The following TMTC1 variants were observed in gnomAD, a reference collection of about 807,000 sequenced individuals.
TMTC1 encodes the protein transmembrane O-mannosyltransferase targeting cadherins 1.
A neutral mutation model predicts 104.8 loss-of-function variants in TMTC1; 73 were observed. The ratio of observed to expected loss-of-function variants is 0.70; its 90% CI spans 0.58 to 0.85. TMTC1 has a LOEUF of 0.85. TMTC1 is among the 40% of genes least tolerant of loss of function. The pLI is 0.00. For missense variants in TMTC1, 1,035 were observed against 1,096.1 expected (o/e 0.94, Z 0.79); for synonymous variants, 434 against 428.7 (o/e 1.01, Z -0.15).
chr12:29,680,422 C>G (rs1940874438), intron 5 of TMTC1, among the ~76,000 whole-genome samples: 1 of 152,044 alleles, frequency 6.6e-6, no homozygotes, highest in South Asian at 2.1e-4. Context: ...TAAGATGAGG[C>G]TGGGTGTGGT....
At chr12:29,670,426 C>A (rs192381844) in intron 5 of TMTC1, among the ~76,000 whole-genome samples, 1 of 152,248 alleles carries the variant, frequency 6.6e-6, no homozygotes, top group Non-Finnish European at 1.5e-5. Context: ...GAAACTGAGG[C>A]ATTAATGGTC....
At chr12:29,779,833 A>G (rs367762003) in intron 1 of TMTC1, among the ~76,000 whole-genome samples, 2 of 4,668 alleles carry the variant, frequency 4.3e-4, no homozygotes, top group African/African-American at 4.5e-4. Context: ...CTCAACATTT[A>G]AAAAAAACAC....
At position 29,556,923 on chromosome 12, in the gene TMTC1, T is replaced by C. The variant is rs1340419842; in HGVS notation, c.1610A>G (p.Tyr537Cys). ...TRDTAEAKMY[Y>C]QRALQLHPQH... ...TGGATGGAGCTGGAGAGCCCTCTGA[T>C]AGTACATCTTTGCCTCTGCTGTGTC... The change falls in exon 10 of 18, where the codon TAT (tyrosine) becomes TGT (cysteine). Residue 537 changes from tyrosine to cysteine, a missense_variant. Coordinates refer to ENST00000539277, the MANE Select transcript of TMTC1 (RefSeq NM_001193451.2). 1.2e-6 allele frequency: 2 copies of C among 1,614,124 alleles called. No homozygotes were observed. Among genetic ancestry groups the C allele is most frequent in the Non-Finnish European group, 1.7e-6 (2 of 1,179,966 alleles).
At chr12:29,670,913 C>A in intron 5 of TMTC1, among the ~76,000 whole-genome samples, 1 of 129,292 alleles carries the variant, frequency 7.7e-6, no homozygotes, top group Admixed American at 8.8e-5. Flanking sequence ...CCAGCCTGGG[C>A]CACAGCACGA....
intron 5 of TMTC1, among the ~76,000 whole-genome samples, chr12:29,651,909 A>C (rs1422907784): frequency 6.6e-6 from 1 of 152,128 alleles, no homozygotes; most frequent in Admixed American, 6.5e-5. Flanking sequence ...GCCCAAAAAA[A>C]AAAAAAATTA....
At chr12:29,588,967 A>G (rs1307732055) in intron 7 of TMTC1, among the ~76,000 whole-genome samples, 1 of 152,230 alleles carries the variant, frequency 6.6e-6, no homozygotes, top group African/African-American at 2.4e-5. Flanking sequence ...TGACTATGCC[A>G]AAAGGAAAAA....
intron 5 of TMTC1, among the ~76,000 whole-genome samples, chr12:29,649,394 T>TA (rs1448668391): frequency 6.6e-6 from 1 of 152,146 alleles, no homozygotes; most frequent in Non-Finnish European, 1.5e-5. Context: ...CTAACATAAA[T>TA]ACAGTCATTC....
intron 7 of TMTC1, among the ~76,000 whole-genome samples, chr12:29,601,859 A>G (rs1946574851): frequency 6.9e-6 from 1 of 144,766 alleles, no homozygotes; most frequent in Non-Finnish European, 1.5e-5. Context: ...TTTTTTTTAG[A>G]CGGAGTCTTG....
intron 17 of TMTC1, among the ~76,000 whole-genome samples, chr12:29,509,586 ACT>A (rs1377418492): frequency 6.6e-6 from 1 of 152,126 alleles, no homozygotes; most frequent in African/African-American, 2.4e-5. Flanking sequence ...CATAAGGACA[ACT>A]CTGCATTCTA....
At chr12:29,750,286 G>T (rs759567281) in intron 5 of TMTC1, among the ~76,000 whole-genome samples, 5 of 152,100 alleles carry the variant, frequency 3.3e-5, no homozygotes, top group Admixed American at 2.0e-4. Flanking sequence ...TCATTCAGGA[G>T]GATTTGGAAG....
intron 5 of TMTC1, among the ~76,000 whole-genome samples, chr12:29,742,327 AT>A (rs1395926405): frequency 6.6e-6 from 1 of 152,186 alleles, no homozygotes; most frequent in Non-Finnish European, 1.5e-5. Context: ...GTCTATACTT[AT>A]GTTTATTTTA....
intron 17 of TMTC1, 116 bp downstream of exon 17, chr12:29,511,927 T>C: frequency 9.7e-7 from 1 of 1,029,120 alleles, no homozygotes; most frequent in Non-Finnish European, 1.5e-6. Context: ...CTTTTGATAT[T>C]CAAATGATTT....
In TMTC1 at chr12:29,503,127, A is replaced by C. The variant is rs1011655784; in HGVS notation, c.*3719T>G. The C allele has an allele frequency of 6.6e-6, 1 of 152,224 alleles. No homozygotes were observed. Among genetic ancestry groups the C allele is most frequent in the African/African-American group, 2.4e-5 (1 of 41,454 alleles). 9.4% of individuals were successfully genotyped at this position (152,224 alleles called of 1,614,324 possible). On this transcript the variant is annotated 3_prime_UTR_variant, in exon 18 of 18. Coordinates refer to ENST00000539277, the MANE Select transcript of TMTC1 (RefSeq NM_001193451.2). ...TCGCACAACTGCTGCAAAACCCTGC[A>C]TCAAACTAGGTACCACCTATTACAA... is the stretch of plus-strand genomic sequence containing the variant.
chr12:29,653,334 A>G (rs1185266767), intron 5 of TMTC1, among the ~76,000 whole-genome samples: 2 of 152,004 alleles, frequency 1.3e-5, no homozygotes, highest in African/African-American at 4.8e-5. Context: ...GTGGGGATGG[A>G]GATAGCTGCA....
chr12:29,558,656 T>C (rs1945305423), intron 9 of TMTC1, among the ~76,000 whole-genome samples: 1 of 152,188 alleles, frequency 6.6e-6, no homozygotes, highest in Non-Finnish European at 1.5e-5. Context: ...GAGAGAGATC[T>C]TTAGAGGAAG....
intron 5 of TMTC1, among the ~76,000 whole-genome samples, chr12:29,681,659 C>A (rs1940922852): frequency 6.9e-6 from 1 of 144,926 alleles, no homozygotes. Flanking sequence ...TGTTACAAGG[C>A]CCCTCCCCCT....
At chr12:29,755,916 T>G in intron 3 of TMTC1, 31 bp from the exon 4 acceptor site, 1 of 1,603,500 alleles carries the variant, frequency 6.2e-7, no homozygotes, top group Non-Finnish European at 8.5e-7. Flanking sequence ...TCTTTTAATC[T>G]AAGAAAGAAT....
At chr12:29,586,514 A>T (rs901061912) in intron 7 of TMTC1, among the ~76,000 whole-genome samples, 1 of 152,138 alleles carries the variant, frequency 6.6e-6, no homozygotes, top group Non-Finnish European at 1.5e-5. Context: ...GTCTTGTGCC[A>T]GTTTTCAAAG....
At chr12:29,596,217 G>A (rs552985706) in intron 7 of TMTC1, among the ~76,000 whole-genome samples, 1 of 152,274 alleles carries the variant, frequency 6.6e-6, no homozygotes, top group Non-Finnish European at 1.5e-5. Flanking sequence ...ATGTTGACCA[G>A]ACTGGTCTTG....
Sources: allele counts gnomAD v4.1 joint callset (sites outside exome capture counted in the v4.1 genomes callset), GRCh38; gene constraint gnomAD v4.1.1; transcripts MANE v1.5; gene names NCBI Gene and HGNC (gene_info 2026-07-23, HGNC 2026-07-21).